SMYD3: variants seen among roughly 807,000 people sequenced by gnomAD.
The protein encoded by SMYD3 is SET and MYND domain containing 3.
Under a neutral mutation model 57.7 loss-of-function variants are expected in SMYD3, and 36 were observed. The ratio of observed to expected loss-of-function variants is 0.62; its 90% CI spans 0.48 to 0.82. The LOEUF is 0.82. SMYD3 is among the 40% of genes least tolerant of loss of function. The pLI is 0.00. For synonymous variants in SMYD3, 211 were observed against 195.0 expected (o/e 1.08, Z -0.68); for missense variants, 515 against 538.8 (o/e 0.96, Z 0.44).
chr1:246,390,214 CAAAAAAAAAAAAAAA>C (rs56279385), intron 1 of SMYD3, among the ~76,000 whole-genome samples: 12 of 66,970 alleles, frequency 1.8e-4, no homozygotes, highest in South Asian at 1.9e-3. Flanking sequence ...ATTCTGTCTC[CAAAAAAAAAAAAAAA>C]AAAAAAAAAA....
intron 5 of SMYD3, among the ~76,000 whole-genome samples, chr1:246,216,214 G>C (rs2063160859): frequency 6.6e-6 from 1 of 150,926 alleles, no homozygotes; most frequent in African/African-American, 2.4e-5. Context: ...TTGAACCCGG[G>C]AGGCAGAGGT....
rs12065652 is a variant in SMYD3, at chr1:245,915,522, C to T, written c.813+8G>A. 9,308 of 1,595,584 alleles carry T rather than the reference C, an allele frequency of 5.8e-3. 216 individuals carry two copies. The African/African-American group carries it at 0.068, about 12-fold the overall frequency. ...GGAGGTGTTTCAATCTGGTTCCATA[C>T]TACATACCTTGTCCTGGGTTTGGCA... On this transcript the variant is annotated splice_region_variant and intron_variant, in intron 8 of 11. Transcript: ENST00000490107.
chr1:246,313,657 T>C (rs1189430732), intron 5 of SMYD3, among the ~76,000 whole-genome samples: 1 of 152,244 alleles, frequency 6.6e-6, no homozygotes, highest in Non-Finnish European at 1.5e-5. Flanking sequence ...GCTTTTCTTT[T>C]ACTTGACAAG....
rs536290361 is a variant in SMYD3, at chr1:246,313,974, T to G, written c.531+13227A>C. ...TACTAAAAGATTGTAGAATGCAGAT[T>G]TCAAAAGGTACCTTAACTCCATGCA... On this transcript the variant is annotated intron_variant, in intron 5 of 11. Coordinates refer to ENST00000490107, the MANE Select transcript of SMYD3 (RefSeq NM_001167740.2). 9.7e-4 allele frequency among the ~76,000 whole-genome samples: 148 copies of G among 152,282 alleles called. 1 individual carries two copies. Among genetic ancestry groups the G allele is most frequent in the African/African-American group, 3.5e-3 (147 of 41,558 alleles).
intron 5 of SMYD3, among the ~76,000 whole-genome samples, chr1:246,289,545 T>A (rs1362542760): frequency 6.6e-6 from 1 of 151,936 alleles, no homozygotes; most frequent in Non-Finnish European, 1.5e-5. Flanking sequence ...TCTGTGAGAG[T>A]CAGGTTTTAA....
intron 5 of SMYD3, among the ~76,000 whole-genome samples, chr1:245,950,648 A>T (rs1281527223): frequency 1.3e-5 from 2 of 152,226 alleles, no homozygotes; most frequent in African/African-American, 4.8e-5. Flanking sequence ...ATATGCTATC[A>T]TATGTCACTC....
At chr1:246,362,605 C>T (rs983680267) in intron 1 of SMYD3, among the ~76,000 whole-genome samples, 1 of 149,530 alleles carries the variant, frequency 6.7e-6, no homozygotes, top group Admixed American at 6.7e-5. Flanking sequence ...CGATTGCAGG[C>T]GCGCACCGCC....
Position 246,006,007 on chromosome 1 carries a change from C to T in SMYD3, c.532-76070G>A, listed in dbSNP as rs149549641. Among the ~76,000 whole-genome samples the T allele has an allele frequency of 1.6e-4, 23 of 140,776 alleles. No individual in the cohort carries two copies. In the East Asian group the frequency reaches 3.6e-3, roughly 22 times the overall value. 92.4% of individuals were successfully genotyped at this position (140,776 alleles called of 152,430 possible). A position where few individuals can be genotyped will look rare whatever the true frequency, so the allele number is the denominator to read the frequency against. The stretch of plus-strand genomic sequence containing the variant: ...CTCTGTGAATGGGTTTTATATACTC[C>T]GAAGACAGCTAGATATTGAAAGGGG... On this transcript the variant is annotated intron_variant, in intron 5 of 11. Coordinates refer to ENST00000490107, the MANE Select transcript of SMYD3 (RefSeq NM_001167740.2).
rs1009642507 is a variant in SMYD3 at position 246,133,694 on chromosome 1, C to T, written c.531+193507G>A. Among the ~76,000 whole-genome samples the T allele has an allele frequency of 2.6e-5, 4 of 152,080 alleles. No homozygotes were observed. In the South Asian group the frequency reaches 8.3e-4, roughly 32 times the overall value. On this transcript the variant is annotated intron_variant, in intron 5 of 11. Coordinates refer to ENST00000490107, the MANE Select transcript of SMYD3 (RefSeq NM_001167740.2). ...GAGAAACATCTTCTTAAGGAAATGC[C>T]AGCTTTTATATTATTTTATAAGAAG...
chr1:246,348,795 TAAA>T (rs2065770514), intron 2 of SMYD3, among the ~76,000 whole-genome samples: 2 of 8,336 alleles, frequency 2.4e-4, no homozygotes, highest in East Asian at 0.029. Context: ...ACAATAAAAA[TAAA>T]TTTTTTTCTT....
Position 245,953,586 on chromosome 1 carries a change from A to AT in SMYD3, c.532-23650dup, listed in dbSNP as rs1491027015. Among the ~76,000 whole-genome samples the AT allele has an allele frequency of 2.6e-5, 4 of 152,170 alleles. No individual in the cohort carries two copies. The South Asian group carries it at 8.3e-4, about 32-fold the overall frequency. The stretch of plus-strand genomic sequence containing the variant: ...AGGCGCCTGACACCACGTCTGGCTA[A>AT]TTTTTTGTATTTTTAGTACAGACAG... On this transcript the variant is annotated intron_variant, in intron 5 of 11. Transcript: ENST00000490107.
At chr1:246,215,076 A>G (rs2063144212) in intron 5 of SMYD3, among the ~76,000 whole-genome samples, 1 of 152,102 alleles carries the variant, frequency 6.6e-6, no homozygotes, top group Non-Finnish European at 1.5e-5. Context: ...CATCACCACA[A>G]TGGCCACACG....
intron 3 of SMYD3, among the ~76,000 whole-genome samples, chr1:246,331,557 A>G (rs1191478628): frequency 6.7e-6 from 1 of 149,984 alleles, no homozygotes; most frequent in East Asian, 2.1e-4. Context: ...AGATTCCATG[A>G]TTAATAGGAA....
intron 5 of SMYD3, among the ~76,000 whole-genome samples, chr1:246,089,397 T>C (rs914056776): frequency 5.3e-5 from 8 of 152,220 alleles, no homozygotes; most frequent in Non-Finnish European, 1.2e-4. Flanking sequence ...GAGTAGCACT[T>C]CATGTTATTA....
chr1:245,806,455 A>G (rs1486417721), intron 10 of SMYD3, among the ~76,000 whole-genome samples: 1 of 152,236 alleles, frequency 6.6e-6, no homozygotes, highest in Non-Finnish European at 1.5e-5. Flanking sequence ...CCATGTCTAC[A>G]ATAAAATATC....
At chr1:246,283,307 T>C (rs1393119442) in intron 5 of SMYD3, among the ~76,000 whole-genome samples, 1 of 152,158 alleles carries the variant, frequency 6.6e-6, no homozygotes, top group East Asian at 1.9e-4. Flanking sequence ...GCTTAGCATT[T>C]TACCTGGAAC....
At chr1:246,185,649 C>T (rs1331092026) in intron 5 of SMYD3, among the ~76,000 whole-genome samples, 1 of 151,906 alleles carries the variant, frequency 6.6e-6, no homozygotes, top group African/African-American at 2.4e-5. Context: ...GTTTAGTAGA[C>T]ATGGGGTTTC....
In SMYD3 at chr1:246,507,234, C is replaced by A; in HGVS notation, c.-17G>T. ...CGGCTCCATCCTCCCGCAGCTCCGG[C>A]ACCTCAGACGGCTACCCGCGTCCAG... On this transcript the variant is annotated 5_prime_UTR_variant, in exon 1 of 12. Transcript: ENST00000490107. The A allele has an allele frequency of 2.7e-6, 4 of 1,507,682 alleles. No homozygotes were observed. Among genetic ancestry groups the A allele is most frequent in the South Asian group, 2.5e-5 (2 of 79,620 alleles). The allele number at this position is 1,507,682 out of a possible 1,614,324, so 93.4% of individuals were successfully genotyped here.
intron 11 of SMYD3, among the ~76,000 whole-genome samples, chr1:245,757,815 G>C (rs551506438): frequency 6.6e-6 from 1 of 152,104 alleles, no homozygotes; most frequent in East Asian, 1.9e-4. Flanking sequence ...ACCCTGTTTT[G>C]ACTACTGTAG....
Sources: gnomAD v4.1 joint callset for allele counts (sites outside exome capture counted in the v4.1 genomes callset) on GRCh38, gnomAD v4.1.1 for gene constraint, MANE v1.5 for transcripts, NCBI Gene and HGNC (gene_info 2026-07-23, HGNC 2026-07-21) for gene names.